PHACTR2: variants seen among roughly 807,000 people sequenced by gnomAD.
PHACTR2 encodes phosphatase and actin regulator 2, also known as chromosome 6 open reading frame 56.
PHACTR2 carries 30 observed loss-of-function variants against 76.0 expected under a neutral mutation model. That is an observed-to-expected ratio of 0.39 (90% confidence interval 0.30 to 0.54). The LOEUF (loss-of-function observed/expected upper bound fraction) is 0.54. PHACTR2 is among the 20% of genes least tolerant of loss of function. The pLI, the probability that PHACTR2 is intolerant of heterozygous loss-of-function variation, is 0.61. For synonymous variants in PHACTR2, 292 were observed against 292.5 expected (o/e 1.00, Z 0.02); for missense variants, 696 against 781.1 (o/e 0.89, Z 1.30).
At position 143,763,303 on chromosome 6, in the gene PHACTR2, G is replaced by A. The variant is rs191299662; in HGVS notation, c.695-1958G>A. Among the ~76,000 whole-genome samples the A allele has an allele frequency of 4.7e-3, 712 of 152,228 alleles. 3 individuals carry two copies. The highest frequency in any genetic ancestry group is 8.3e-3 in the South Asian group (40 of 4,830). On this transcript the variant is annotated intron_variant, in intron 5 of 12. Transcript: ENST00000440869. Reference sequence around the variant, plus strand: ...GAACCCGGGAGGCAGAGGTTGCAGTGAGCCAAGATTGTGCCACTGCACTCC... The same window carrying A: ...GAACCCGGGAGGCAGAGGTTGCAGTAAGCCAAGATTGTGCCACTGCACTCC...
intron 4 of PHACTR2, among the ~76,000 whole-genome samples, chr6:143,758,132 T>C (rs1298477692): frequency 2.0e-5 from 3 of 152,250 alleles, no homozygotes; most frequent in African/African-American, 7.2e-5. Context: ...GGTCTTGTCA[T>C]TGCCAACCAA....
chr6:143,768,179 C>T (rs1333661228), intron 6 of PHACTR2, among the ~76,000 whole-genome samples: 1 of 152,180 alleles, frequency 6.6e-6, no homozygotes, highest in African/African-American at 2.4e-5. Flanking sequence ...CACATTCAAA[C>T]CCTAGGAGCA....
At chr6:143,640,695 T>G (rs920737421) in intron 1 of PHACTR2, among the ~76,000 whole-genome samples, 2 of 152,210 alleles carry the variant, frequency 1.3e-5, no homozygotes, top group African/African-American at 2.4e-5. Context: ...ATGCTAAAAG[T>G]ATTTTTTCAA....
chr6:143,590,128 T>C (rs2128434251), intron 1 of PHACTR2, among the ~76,000 whole-genome samples: 1 of 152,324 alleles, frequency 6.6e-6, no homozygotes, highest in African/African-American at 2.4e-5. Context: ...TACTTAAAAA[T>C]AAATTTGATT....
At chr6:143,545,476 G>A (rs1211822331) in intron 1 of PHACTR2, among the ~76,000 whole-genome samples, 1 of 152,194 alleles carries the variant, frequency 6.6e-6, no homozygotes, top group Admixed American at 6.5e-5. Flanking sequence ...AAGGCAGAAG[G>A]AAGTGCACTC....
chr6:143,677,697 C>G (rs1022521943), upstream of PHACTR2, among the ~76,000 whole-genome samples: 1 of 152,156 alleles, frequency 6.6e-6, no homozygotes. Context: ...AATTAAGTAC[C>G]GTGACTAAAT....
chr6:143,546,591 C>G lies in PHACTR2; in HGVS notation c.217+9384C>G, dbSNP rs1239165119. 6.6e-6 allele frequency among the ~76,000 whole-genome samples: 1 copy of G among 152,068 alleles called. No individual in the cohort carries two copies. Among genetic ancestry groups the G allele is most frequent in the Non-Finnish European group, 1.5e-5 (1 of 68,004 alleles). On this transcript the variant is annotated intron_variant, in intron 1 of 11. Transcript: ENST00000367584. The surrounding 1 kb of genome is among the most constrained non-coding windows in gnomAD (Gnocchi z 4.9). The stretch of plus-strand genomic sequence containing the variant: ...CATATCTTCTTTGGAGGTATAATTT[C>G]TATTAAATAATCTTCAAGTAGCCTA...
chr6:143,687,778 T>C (rs1457262833), intron 1 of PHACTR2, among the ~76,000 whole-genome samples: 1 of 152,174 alleles, frequency 6.6e-6, no homozygotes, highest in African/African-American at 2.4e-5. Context: ...TGAAGTGCTA[T>C]TTTGCTTAAG....
At chr6:143,538,390 A>G (rs1781139444) in intron 1 of PHACTR2, among the ~76,000 whole-genome samples, 1 of 152,362 alleles carries the variant, frequency 6.6e-6, no homozygotes, top group East Asian at 1.9e-4. Context: ...CATTAGCCTA[A>G]GAATTGTAGG....
At chr6:143,572,648 G>A (rs1181597731) in intron 1 of PHACTR2, among the ~76,000 whole-genome samples, 1 of 152,134 alleles carries the variant, frequency 6.6e-6, no homozygotes, top group East Asian at 1.9e-4. Flanking sequence ...CACCTCCCGG[G>A]CTCAAGCAAT....
In PHACTR2 at chr6:143,765,151, CAAACTTT is replaced by C; in HGVS notation, c.695-106_695-100del. The C allele has an allele frequency of 2.3e-6, 2 of 867,382 alleles. No individual in the cohort carries two copies. The highest frequency in any genetic ancestry group is 3.6e-6 in the Non-Finnish European group (2 of 560,006). 53.7% of individuals were successfully genotyped at this position (867,382 alleles called of 1,614,324 possible). On this transcript the variant is annotated intron_variant, in intron 5 of 12. Coordinates refer to ENST00000440869, the MANE Select transcript of PHACTR2 (RefSeq NM_001100164.2). This position sits in a 1 kb window ranked among gnomAD's most constrained non-coding sequence, Gnocchi z 4.1. ...TATTTTCTCTTATACATTTATTCAACAAACTTTAAAGGGAACATTTTAAATGTTGTTG... is the reference window on the plus strand; with the variant it reads ...TATTTTCTCTTATACATTTATTCAACAAAGGGAACATTTTAAATGTTGTTG...
chr6:143,667,220 C>A (rs1243133400), intron 1 of PHACTR2, among the ~76,000 whole-genome samples: 2 of 152,246 alleles, frequency 1.3e-5, no homozygotes, highest in East Asian at 3.9e-4. Context: ...GGCCTCGGTT[C>A]TGTTCCATTG....
intron 2 of PHACTR2, among the ~76,000 whole-genome samples, chr6:143,727,337 T>C (rs1187559138): frequency 1.3e-5 from 2 of 152,148 alleles, no homozygotes; most frequent in African/African-American, 2.4e-5. Flanking sequence ...TACATAATCA[T>C]ATTTTCTTTA....
rs1776529837 is a variant in PHACTR2, at chr6:143,826,321, T to C, written c.*2632T>C. 2 of 152,282 alleles carry C rather than the reference T, an allele frequency of 1.3e-5. No individual in the cohort carries two copies. Among genetic ancestry groups the C allele is most frequent in the Admixed American group, 6.5e-5 (1 of 15,286 alleles). 9.4% of individuals were successfully genotyped at this position (152,282 alleles called of 1,614,324 possible). ...CACCCTCCGTGCATAGGCACCTCTG[T>C]CCACCACCAGCGTTTCAGCAATCCA... On this transcript the variant is annotated 3_prime_UTR_variant, in exon 13 of 13. Coordinates refer to ENST00000440869, the MANE Select transcript of PHACTR2 (RefSeq NM_001100164.2).
chr6:143,704,994 T>C (rs1268019292), intron 1 of PHACTR2, among the ~76,000 whole-genome samples: 1 of 147,858 alleles, frequency 6.8e-6, no homozygotes, highest in Non-Finnish European at 1.5e-5. Context: ...GCCCGGATAA[T>C]GTTTTGCATT....
At chr6:143,726,705 T>G (rs1217657092) in intron 2 of PHACTR2, among the ~76,000 whole-genome samples, 1 of 152,242 alleles carries the variant, frequency 6.6e-6, no homozygotes, top group Non-Finnish European at 1.5e-5. Context: ...ACTGCTGCTC[T>G]GAACATAGGT....
At chr6:143,734,885 G>A (rs1175897059) in intron 2 of PHACTR2, among the ~76,000 whole-genome samples, 1 of 152,134 alleles carries the variant, frequency 6.6e-6, no homozygotes, top group East Asian at 1.9e-4. Flanking sequence ...CTTCTGGCCT[G>A]GGTCAGAGAA....
intron 1 of PHACTR2, among the ~76,000 whole-genome samples, chr6:143,564,181 G>A (rs188874685): frequency 1.8e-5 from 1 of 56,268 alleles, no homozygotes; most frequent in African/African-American, 6.5e-5. Context: ...ATGTGTGTGT[G>A]TATGTGTGTG....
chr6:143,735,102 G>C (rs1778786941), intron 2 of PHACTR2, among the ~76,000 whole-genome samples: 1 of 151,942 alleles, frequency 6.6e-6, no homozygotes, highest in African/African-American at 2.4e-5. Context: ...TACTTCTTTT[G>C]TGTTAGGTGT....
Sources: allele counts gnomAD v4.1 joint callset (sites outside exome capture counted in the v4.1 genomes callset), GRCh38; gene constraint gnomAD v4.1.1; non-coding constraint Gnocchi (gnomAD v3.1); transcripts MANE v1.5; gene names NCBI Gene and HGNC (gene_info 2026-07-23, HGNC 2026-07-21).